Variants in HDAC9 observed in about 807,000 individuals in gnomAD.
The protein encoded by HDAC9 is histone deacetylase 9.
Under a neutral mutation model 139.4 loss-of-function variants are expected in HDAC9, and 41 were observed. The ratio of observed to expected loss-of-function variants is 0.29; its 90% CI spans 0.23 to 0.38. HDAC9 has a LOEUF of 0.38. Ranked by LOEUF, HDAC9 falls within the 10% of genes least tolerant of loss-of-function variation. The pLI is 1.00. For synonymous variants in HDAC9, 517 were observed against 476.2 expected (o/e 1.09, Z -1.12); for missense variants, 1,147 against 1,297.0 (o/e 0.88, Z 1.78).
At chr7:18,895,908 T>G (rs1185051408) in intron 22 of HDAC9, among the ~76,000 whole-genome samples, 2 of 152,078 alleles carry the variant, frequency 1.3e-5, no homozygotes, top group Non-Finnish European at 2.9e-5. Flanking sequence ...TAAATGGACA[T>G]ATTTCCAAAA....
intron 1 of HDAC9, among the ~76,000 whole-genome samples, chr7:18,147,557 C>G (rs1786432452): frequency 6.6e-6 from 1 of 151,656 alleles, no homozygotes; most frequent in Non-Finnish European, 1.5e-5. Context: ...TTTAGCAATT[C>G]AGAAAAATAT....
chr7:18,366,160 T>C (rs1297572987), intron 1 of HDAC9, among the ~76,000 whole-genome samples: 1 of 152,110 alleles, frequency 6.6e-6, no homozygotes, highest in Non-Finnish European at 1.5e-5. Context: ...TTATGTATTA[T>C]ATAGAGATAA....
chr7:18,780,728 C>A (rs754374599), intron 16 of HDAC9, among the ~76,000 whole-genome samples: 20 of 151,976 alleles, frequency 1.3e-4, no homozygotes, highest in Non-Finnish European at 2.6e-4. Flanking sequence ...CTATAGGATT[C>A]TTTGGTTCTC....
At chr7:18,621,615 T>C (rs1471900332) in intron 6 of HDAC9, among the ~76,000 whole-genome samples, 2 of 152,170 alleles carry the variant, frequency 1.3e-5, no homozygotes, top group Non-Finnish European at 2.9e-5. Flanking sequence ...AAAATTATTT[T>C]TTGAAAACTT....
At chr7:18,296,060 G>A (rs587325) in intron 1 of HDAC9, among the ~76,000 whole-genome samples, 25,962 of 152,104 alleles carry the variant, frequency 0.17, 2,373 homozygotes, top group East Asian at 0.26. Context: ...GTAGGTTTGT[G>A]TAGTAAGTGA....
chr7:18,769,662 G>T (rs1432264787), intron 16 of HDAC9, among the ~76,000 whole-genome samples: 1 of 152,070 alleles, frequency 6.6e-6, no homozygotes, highest in Non-Finnish European at 1.5e-5. Flanking sequence ...CCTTTCAAAA[G>T]TCTTCTTGCC....
At chr7:18,971,180 T>C (rs1266815700) in intron 24 of HDAC9, among the ~76,000 whole-genome samples, 2 of 152,160 alleles carry the variant, frequency 1.3e-5, no homozygotes, top group African/African-American at 4.8e-5. Flanking sequence ...TTTGTGTTAC[T>C]TTTGCCAGAA....
intron 2 of HDAC9, among the ~76,000 whole-genome samples, chr7:18,255,614 T>C (rs1795178194): frequency 6.7e-6 from 1 of 148,182 alleles, no homozygotes; most frequent in Non-Finnish European, 1.5e-5. Context: ...AGTTTTCTTT[T>C]CTTTTTCTTT....
intron 2 of HDAC9, among the ~76,000 whole-genome samples, chr7:18,583,358 T>C (rs1828413807): frequency 6.6e-6 from 1 of 152,092 alleles, no homozygotes; most frequent in South Asian, 2.1e-4. Context: ...GCATTTAGAT[T>C]ATAGAACAGA....
At chr7:18,345,805 T>C (rs972712629) in intron 1 of HDAC9, among the ~76,000 whole-genome samples, 2 of 151,690 alleles carry the variant, frequency 1.3e-5, no homozygotes, top group South Asian at 2.1e-4. Flanking sequence ...TCATTCAGCA[T>C]TTTTTTTCCC....
chr7:18,141,733 G>C (rs1451777704), intron 1 of HDAC9, among the ~76,000 whole-genome samples: 2 of 151,976 alleles, frequency 1.3e-5, no homozygotes, highest in African/African-American at 4.8e-5. Context: ...GTTATTCTTA[G>C]TGACTTGTAT....
rs576661606 is a variant in HDAC9 at position 18,432,670 on chromosome 7, G to A, written c.-41-63592G>A. Among the ~76,000 whole-genome samples the A allele has an allele frequency of 3.3e-5, 5 of 152,130 alleles. No individual in the cohort carries two copies. The South Asian group carries it at 8.3e-4, about 25-fold the overall frequency. On this transcript the variant is annotated intron_variant, in intron 1 of 3. Transcript: ENST00000413509. ...ATGCTTGAAATACCAGTGGAAGGCC[G>A]GGCGCTGTGGCTCACGCCTGTAATC...
chr7:18,851,972 A>T (rs1585154366), intron 21 of HDAC9, among the ~76,000 whole-genome samples: 1 of 152,204 alleles, frequency 6.6e-6, no homozygotes, highest in Non-Finnish European at 1.5e-5. Flanking sequence ...CCTGTGTGGG[A>T]AATACCTTAG....
chr7:18,342,616 C>G (rs966774140), intron 1 of HDAC9, among the ~76,000 whole-genome samples: 4 of 151,754 alleles, frequency 2.6e-5, no homozygotes, highest in Non-Finnish European at 4.4e-5. Context: ...CCTCAATTCC[C>G]TCATCTAAAA....
chr7:18,835,863 C>G, intron 20 of HDAC9, 37 bp from the exon 21 acceptor site: 2 of 1,391,298 alleles, frequency 1.4e-6, no homozygotes, highest in East Asian at 2.5e-5. Context: ...CATTTGCTCT[C>G]TTCTCTGCCC....
At chr7:18,303,317 C>T (rs890676319) in intron 1 of HDAC9, among the ~76,000 whole-genome samples, 1 of 151,708 alleles carries the variant, frequency 6.6e-6, no homozygotes, top group Non-Finnish European at 1.5e-5. Context: ...TCCCGGGTTC[C>T]TGCCTCAGCC....
At chr7:18,155,419 G>A (rs900647594) in intron 1 of HDAC9, among the ~76,000 whole-genome samples, 6 of 152,170 alleles carry the variant, frequency 3.9e-5, no homozygotes, top group Non-Finnish European at 8.8e-5. Flanking sequence ...TGCAGGTACT[G>A]TAGTTGGCAA....
At chr7:18,767,450 G>T (rs183021711) in intron 16 of HDAC9, among the ~76,000 whole-genome samples, 1 of 152,292 alleles carries the variant, frequency 6.6e-6, no homozygotes, top group African/African-American at 2.4e-5. Context: ...AGCCAGCTTT[G>T]CTAGGCCTTT....
At chr7:18,413,926 A>G (rs1271515845) in intron 1 of HDAC9, among the ~76,000 whole-genome samples, 2 of 152,096 alleles carry the variant, frequency 1.3e-5, no homozygotes, top group Admixed American at 1.3e-4. Context: ...TTTTCCTTGA[A>G]TATTGTATAA....
Sources: allele counts gnomAD v4.1 joint callset (sites outside exome capture counted in the v4.1 genomes callset), GRCh38; gene constraint gnomAD v4.1.1; transcripts MANE v1.5; gene names NCBI Gene and HGNC (gene_info 2026-07-23, HGNC 2026-07-21).